SLC17A9: variants seen among roughly 807,000 people sequenced by gnomAD.
SLC17A9 encodes the protein solute carrier family 17 member 9.
A neutral mutation model predicts 55.0 loss-of-function variants in SLC17A9; 49 were observed. That is an observed-to-expected ratio of 0.89 (90% CI 0.71 to 1.13). SLC17A9 has a LOEUF of 1.13. SLC17A9 is among the 50% of genes most tolerant of loss of function. The probability of loss-of-function intolerance (pLI) is 0.00; values close to 1 mark genes in which losing one functional copy is unlikely to be tolerated. For missense variants in SLC17A9, 526 were observed against 569.3 expected, an observed-to-expected ratio of 0.92 and a Z score of 0.77; for synonymous variants, 256 against 247.4, an observed-to-expected ratio of 1.03 and a Z score of -0.32.
intron 2 of SLC17A9, 42 bp downstream of exon 2, chr20:62,957,004 C>A (rs1237036161): frequency 6.2e-7 from 1 of 1,610,768 alleles, no homozygotes; most frequent in Non-Finnish European, 8.5e-7. Context: ...GTGGGGGCCG[C>A]CCCACTGGGG....
At chr20:62,964,775 G>A (rs569900841) in intron 8 of SLC17A9, among the ~76,000 whole-genome samples, 13 of 152,354 alleles carry the variant, frequency 8.5e-5, no homozygotes, top group South Asian at 2.1e-4. Context: ...TAGAATGTTC[G>A]TGTTTTTCCT....
In SLC17A9 at chr20:62,967,370, T is replaced by C; in HGVS notation, c.1181T>C (p.Met394Thr). The C allele has an allele frequency of 6.2e-7, 1 of 1,614,118 alleles. No homozygotes were observed. Among genetic ancestry groups the C allele is most frequent in the Non-Finnish European group, 8.5e-7 (1 of 1,180,010 alleles). The change falls in exon 13 of 13, where the codon ATG becomes ACG. Residue 394 changes from methionine to threonine, a missense_variant. Physicochemically the swap from Met to Thr is moderately conservative, Grantham distance 81 (BLOSUM62 -1). Coordinates refer to ENST00000370351, the MANE Select transcript of SLC17A9 (RefSeq NM_022082.4). ...VVGVCLGGYL[M>T]ETTGSWTCLF... ...GGTGTGTGTCTAGGCGGCTACTTGA[T>C]GGAGACCACGGGCTCCTGGACTTGC...
chr20:62,962,270 C>T lies in SLC17A9; in HGVS notation c.498-354C>T, dbSNP rs1245252863. 1 of 199,468 alleles carries T rather than the reference C, an allele frequency of 5.0e-6. No individual in the cohort carries two copies. 12.4% of individuals were successfully genotyped at this position (199,468 alleles called of 1,614,324 possible). On this transcript the variant is annotated intron_variant, in intron 4 of 12. Transcript: ENST00000370351. The surrounding 1 kb of genome is among the most constrained non-coding windows in gnomAD (Gnocchi z 5.5). ...GGTATATGCTCATCACCGTCTCCTC[C>T]TCGGTGCCGTTTTTAGTTGAAAAGG...
chr20:62,965,533 T>C, intron 9 of SLC17A9, 77 bp from the exon 10 acceptor site: 1 of 1,389,182 alleles, frequency 7.2e-7, no homozygotes, highest in South Asian at 1.2e-5. Context: ...AGGGGGGCTT[T>C]CGGGCAGCTG....
chr20:62,952,757 G>A lies in SLC17A9; in HGVS notation c.-74G>A, dbSNP rs895795285. ...CACGTGGACTTGGGCGGTGCTGCCC[G>A]GGTGGGTCAGCCTGGGCTGGGAGGC... On this transcript the variant is annotated 5_prime_UTR_variant, in exon 1 of 13. Transcript: ENST00000370351. 1.2e-5 allele frequency: 18 copies of A among 1,469,632 alleles called. No individual in the cohort carries two copies. The highest frequency in any genetic ancestry group is 1.1e-4 in the African/African-American group (8 of 71,490). 91.0% of individuals were successfully genotyped at this position (1,469,632 alleles called of 1,614,324 possible).
At chr20:62,953,614 G>A (rs1487683527) in intron 1 of SLC17A9, among the ~76,000 whole-genome samples, 1 of 152,218 alleles carries the variant, frequency 6.6e-6, no homozygotes, top group Non-Finnish European at 1.5e-5. Flanking sequence ...CTGGACCCTG[G>A]GCCTAGACTC....
chr20:62,961,810 G>A (rs2065591434), intron 4 of SLC17A9, among the ~76,000 whole-genome samples: 1 of 152,202 alleles, frequency 6.6e-6, no homozygotes, highest in Admixed American at 6.5e-5. Flanking sequence ...TCTGCACCCA[G>A]GTGGGGAGCA....
At chr20:62,960,247 C>G (rs772954126) in intron 3 of SLC17A9, among the ~76,000 whole-genome samples, 7 of 152,146 alleles carry the variant, frequency 4.6e-5, no homozygotes, top group African/African-American at 1.7e-4. Context: ...TGCGTGTTCG[C>G]GGGGTGGGAG....
intron 1 of SLC17A9, 63 bp downstream of exon 1, chr20:62,952,952 T>C: frequency 7.1e-7 from 1 of 1,415,178 alleles, no homozygotes; most frequent in Non-Finnish European, 9.4e-7. Context: ...GGGAGGGAGC[T>C]GAGATACTGC....
At chr20:62,953,150 G>A in intron 1 of SLC17A9, 1 of 1,526,260 alleles carries the variant, frequency 6.6e-7, no homozygotes, top group South Asian at 1.2e-5. Flanking sequence ...TTCCAGGCAG[G>A]GCTATGTTCC....
chr20:62,962,508 G>A lies in SLC17A9; in HGVS notation c.498-116G>A. 2 of 1,393,126 alleles carry A rather than the reference G, an allele frequency of 1.4e-6. No homozygotes were observed. The highest frequency in any genetic ancestry group is 4.7e-5 in the Admixed American group (2 of 42,886). The allele number at this position is 1,393,126 out of a possible 1,614,324, so 86.3% of individuals were successfully genotyped here. A position where few individuals can be genotyped will look rare whatever the true frequency, so the allele number is the denominator to read the frequency against. On this transcript the variant is annotated intron_variant, in intron 4 of 12. Coordinates refer to ENST00000370351, the MANE Select transcript of SLC17A9 (RefSeq NM_022082.4). The surrounding 1 kb of genome is among the most constrained non-coding windows in gnomAD (Gnocchi z 5.5). ...TCTGAGCTGCTCCTCTGGAGGCGAT[G>A]AAAACACCCTCTTCTCCAGGGGCTC... is the stretch of plus-strand genomic sequence containing the variant.
intron 4 of SLC17A9, among the ~76,000 whole-genome samples, chr20:62,961,486 G>A (rs932632376): frequency 6.6e-6 from 1 of 152,178 alleles, no homozygotes; most frequent in Non-Finnish European, 1.5e-5. Flanking sequence ...GGCCTGGATC[G>A]AGGCCAGGCC....
At chr20:62,965,196 G>A in intron 9 of SLC17A9, 30 bp downstream of exon 9, 2 of 1,614,022 alleles carry the variant, frequency 1.2e-6, no homozygotes, top group South Asian at 2.2e-5. Flanking sequence ...CGTTCTCTCT[G>A]GATATCCCTG....
Position 62,966,594 on chromosome 20 carries a change from CT to C in SLC17A9, c.1117+16del, listed in dbSNP as rs5842409. On this transcript the variant is annotated intron_variant, in intron 11 of 12. Coordinates refer to ENST00000370351, the MANE Select transcript of SLC17A9 (RefSeq NM_022082.4). Reference sequence around the variant, plus strand: ...GCTTTCTGTTTGGTGAGGACCTTGCCTTACCCCAGCTTTGCCCCTCCCTGGG... The same window carrying C: ...GCTTTCTGTTTGGTGAGGACCTTGCCTACCCCAGCTTTGCCCCTCCCTGGG... 1,442,060 of 1,613,796 alleles carry C rather than the reference CT, an allele frequency of 0.89. 651,169 individuals carry two copies. Among genetic ancestry groups the C allele is most frequent in the East Asian group, 0.99 (44,287 of 44,872 alleles).
At chr20:62,967,231 C>A in intron 12 of SLC17A9, 106 bp from the exon 13 acceptor site, 1 of 1,364,194 alleles carries the variant, frequency 7.3e-7, no homozygotes, top group South Asian at 1.3e-5. Context: ...TCCTATCAGG[C>A]GCTAGACCCC....
chr20:62,953,002 G>A (rs1218348785), intron 1 of SLC17A9, 113 bp downstream of exon 1: 6 of 1,302,308 alleles, frequency 4.6e-6, no homozygotes, highest in Non-Finnish European at 5.2e-6. Flanking sequence ...TGAGCTGGGC[G>A]GGCTCCTCTG....
In SLC17A9 at chr20:62,964,256, T is replaced by G. The variant is rs1210856924; in HGVS notation, c.851T>G (p.Leu284Trp). 6.2e-7 allele frequency: 1 copy of G among 1,614,074 alleles called. No homozygotes were observed. The highest frequency in any genetic ancestry group is 1.3e-5 in the African/African-American group (1 of 74,930). ...TGGATCTTCAACGTGGTTCCTTGGTTGGTGGCGATTCCGGCCAGTCTATTC... is the reference window on the plus strand; with the variant it reads ...TGGATCTTCAACGTGGTTCCTTGGTGGGTGGCGATTCCGGCCAGTCTATTC... ...KGWIFNVVPW[L>W]VAIPASLFSG... Residue 284 changes from leucine to tryptophan, a missense_variant, in exon 8 of 13, where the codon TTG becomes TGG. Coordinates refer to ENST00000370351, the MANE Select transcript of SLC17A9 (RefSeq NM_022082.4).
chr20:62,965,797 G>C (rs2065633042), intron 10 of SLC17A9, 72 bp downstream of exon 10: 2 of 1,413,686 alleles, frequency 1.4e-6, no homozygotes, highest in Admixed American at 3.5e-5. Flanking sequence ...ATGTGAAGAG[G>C]GAGCTCTGTC....
intron 1 of SLC17A9, 51 bp downstream of exon 1, chr20:62,952,940 T>C: frequency 7.1e-7 from 1 of 1,402,436 alleles, no homozygotes. Context: ...GATGGGGCCG[T>C]GGGGAGGGAG....
Sources: gnomAD v4.1 joint callset for allele counts (sites outside exome capture counted in the v4.1 genomes callset) on GRCh38, gnomAD v4.1.1 for gene constraint, Gnocchi (gnomAD v3.1) non-coding constraint, MANE v1.5 for transcripts, NCBI Gene and HGNC (gene_info 2026-07-23, HGNC 2026-07-21) for gene names.